The following ABR variants were observed in gnomAD, a reference collection of about 807,000 sequenced individuals.
ABR encodes the protein ABR activator of RhoGEF and GTPase, also known as active breakpoint cluster region-related protein.
In ABR, 35 loss-of-function variants were observed where a neutral mutation model predicts 107.2. The ratio of observed to expected loss-of-function variants is 0.33; its 90% CI spans 0.25 to 0.43. The LOEUF is 0.43. Ranked by LOEUF, ABR falls within the 20% of genes least tolerant of loss-of-function variation. The pLI, the probability that ABR is intolerant of heterozygous loss-of-function variation, is 1.00. For synonymous variants in ABR, 498 were observed against 462.0 expected (o/e 1.08, Z -1.00); for missense variants, 815 against 1,115.2 (o/e 0.73, Z 3.83).
intron 16 of ABR, among the ~76,000 whole-genome samples, chr17:1,029,220 C>T (rs972058846): frequency 3.3e-5 from 5 of 152,026 alleles, no homozygotes; most frequent in Non-Finnish European, 5.9e-5. Flanking sequence ...GCTAAACACT[C>T]GCACAAAAAG....
chr17:1,154,740 C>T lies in ABR; in HGVS notation c.61+24927G>A, dbSNP rs953337038. On this transcript the variant is annotated intron_variant, in intron 1 of 22. Transcript: ENST00000302538. The surrounding 1 kb of genome is among the most constrained non-coding windows in gnomAD (Gnocchi z 4.0). ...TGCCGTGTCCTCAGGGCTCCGGCGC[C>T]TACCCATGGATGTAGTGCTCGCCCT... The T allele has an allele frequency of 2.0e-5, 3 of 152,196 alleles. No individual in the cohort carries two copies. The highest frequency in any genetic ancestry group is 7.2e-5 in the African/African-American group (3 of 41,410). The allele number at this position is 152,196 out of a possible 1,614,324, so 9.4% of individuals were successfully genotyped here. A position where few individuals can be genotyped will look rare whatever the true frequency, so the allele number is the denominator to read the frequency against.
intron 18 of ABR, 116 bp from the exon 19 acceptor site, chr17:1,012,101 G>A (rs745392474): frequency 6.5e-7 from 1 of 1,531,638 alleles, no homozygotes; most frequent in Non-Finnish European, 8.9e-7. Context: ...ATGGAGAGCT[G>A]GGGCGGGGGC....
chr17:1,114,569 T>C (rs1398693416), intron 2 of ABR, among the ~76,000 whole-genome samples: 1 of 152,044 alleles, frequency 6.6e-6, no homozygotes. Flanking sequence ...GGTCAGGAGT[T>C]TGAGACCATC....
intron 1 of ABR, among the ~76,000 whole-genome samples, chr17:1,173,428 C>T (rs1408670289): frequency 2.0e-5 from 3 of 148,962 alleles, no homozygotes; most frequent in African/African-American, 7.4e-5. Context: ...GGGCAGTGGG[C>T]GCAGGGTTGT....
chr17:1,041,498 G>A (rs1054156030), intron 16 of ABR, among the ~76,000 whole-genome samples: 1 of 152,040 alleles, frequency 6.6e-6, no homozygotes, highest in Admixed American at 6.6e-5. Context: ...ACTTTGGGAG[G>A]CTGAGGCGGG....
chr17:1,171,989 C>T (rs1180424955), intron 1 of ABR, among the ~76,000 whole-genome samples: 3 of 152,160 alleles, frequency 2.0e-5, no homozygotes, highest in Non-Finnish European at 4.4e-5. Flanking sequence ...ACCACAGAGC[C>T]GACCACATCT....
chr17:1,067,321 G>A (rs3826527), intron 9 of ABR, 79 bp from the exon 10 acceptor site: 932,665 of 1,381,494 alleles, frequency 0.68, 316,551 homozygotes, highest in East Asian at 0.84. Flanking sequence ...CAGAACCACA[G>A]AACCACTGAC....
intron 16 of ABR, among the ~76,000 whole-genome samples, chr17:1,025,071 A>G (rs2376602): frequency 0.73 from 84,257 of 115,984 alleles, 30,638 homozygotes; most frequent in Middle Eastern, 0.82. Flanking sequence ...GCAGTGAGCC[A>G]AGATTGCGCC....
rs1334339384 is a variant in ABR at position 1,011,137 on chromosome 17, A to G, written c.2102-274T>C. The G allele has an allele frequency of 8.4e-6, 4 of 476,374 alleles. No homozygotes were observed. The South Asian group carries it at 9.0e-5, about 11-fold the overall frequency. 29.5% of individuals were successfully genotyped at this position (476,374 alleles called of 1,614,324 possible). A position where few individuals can be genotyped will look rare whatever the true frequency, so the allele number is the denominator to read the frequency against. Reference sequence around the variant, plus strand: ...TCCATCACCCAGAGTTCAGAGCCACATTCATACCATGTGGCCTGCAGCTTC... The same window carrying G: ...TCCATCACCCAGAGTTCAGAGCCACGTTCATACCATGTGGCCTGCAGCTTC... On this transcript the variant is annotated intron_variant, in intron 19 of 22. Transcript: ENST00000302538. The surrounding 1 kb of genome is among the most constrained non-coding windows in gnomAD (Gnocchi z 4.8).
At chr17:1,073,812 C>T (rs1280227370) in intron 6 of ABR, 135 bp from the exon 7 acceptor site, 39 of 701,156 alleles carry the variant, frequency 5.6e-5, no homozygotes, top group Non-Finnish European at 7.9e-5. Flanking sequence ...AGTGAGCCCA[C>T]GGCAGCCCCC....
At chr17:1,116,912 G>A (rs2039015962) in intron 2 of ABR, among the ~76,000 whole-genome samples, 2 of 152,148 alleles carry the variant, frequency 1.3e-5, no homozygotes, top group Non-Finnish European at 2.9e-5. Context: ...GCTGAAACTC[G>A]AGGAGTCCCT....
chr17:1,135,553 GA>G (rs1278950589), intron 1 of ABR, among the ~76,000 whole-genome samples: 2 of 151,836 alleles, frequency 1.3e-5, no homozygotes, highest in Admixed American at 6.6e-5. Flanking sequence ...GCCCAGCCCT[GA>G]CCATTATTCC....
chr17:1,064,692 C>T (rs1307250258), intron 10 of ABR, among the ~76,000 whole-genome samples: 12 of 127,934 alleles, frequency 9.4e-5, no homozygotes, highest in Non-Finnish European at 1.7e-4. Flanking sequence ...GAGGGCTATA[C>T]ATGTTCCTCT....
intron 3 of ABR, among the ~76,000 whole-genome samples, chr17:1,097,644 C>T (rs918931610): frequency 2.0e-5 from 3 of 149,136 alleles, no homozygotes; most frequent in East Asian, 2.0e-4. Flanking sequence ...ATCCTCACAA[C>T]GACCCCATGA....
At chr17:1,116,113 G>C (rs2038975597) in intron 2 of ABR, among the ~76,000 whole-genome samples, 1 of 151,832 alleles carries the variant, frequency 6.6e-6, no homozygotes, top group Non-Finnish European at 1.5e-5. Context: ...CCAGCTACTT[G>C]GGAGGCTGAG....
chr17:1,167,434 C>T (rs1430068345), intron 1 of ABR, among the ~76,000 whole-genome samples: 6 of 152,196 alleles, frequency 3.9e-5, no homozygotes, highest in African/African-American at 9.7e-5. Context: ...TCCACCTGCT[C>T]GGTGCCTAGC....
rs34146750 is a variant in ABR at position 1,078,104 on chromosome 17, GGT to G, written c.700+1224_700+1225del. 2.8e-3 allele frequency among the ~76,000 whole-genome samples: 415 copies of G among 146,974 alleles called. No individual in the cohort carries two copies. The highest frequency in any genetic ancestry group is 3.6e-3 in the Middle Eastern group (1 of 274). ...GTCCGGGTCCCTTCCACCGAAAGGT[GGT>G]GTGTGTGTGTGTGTGTGTGTGTGTG... On this transcript the variant is annotated intron_variant, in intron 6 of 22. Coordinates refer to ENST00000302538, the MANE Select transcript of ABR (RefSeq NM_021962.5). This position sits in a 1 kb window ranked among gnomAD's most constrained non-coding sequence, Gnocchi z 7.5.
intron 1 of ABR, among the ~76,000 whole-genome samples, chr17:1,214,732 C>T (rs61654665): frequency 1.2e-4 from 18 of 151,968 alleles, no homozygotes; most frequent in East Asian, 3.9e-4. Flanking sequence ...ACCTGGGAGG[C>T]GGATGTTGCA....
intron 1 of ABR, among the ~76,000 whole-genome samples, chr17:1,211,012 G>A (rs1236554172): frequency 1.3e-5 from 2 of 152,200 alleles, no homozygotes; most frequent in Admixed American, 6.5e-5. Flanking sequence ...GAGCGTGGTG[G>A]CTCACGCCTA....
Sources: allele counts gnomAD v4.1 joint callset (sites outside exome capture counted in the v4.1 genomes callset), GRCh38; gene constraint gnomAD v4.1.1; non-coding constraint Gnocchi (gnomAD v3.1); transcripts MANE v1.5; gene names NCBI Gene and HGNC (gene_info 2026-07-23, HGNC 2026-07-21).